The following TDRD3 variants were observed in gnomAD, a reference collection of about 807,000 sequenced individuals.
TDRD3 encodes the protein tudor domain-containing protein 3.
A neutral mutation model predicts 86.7 loss-of-function variants in TDRD3; 45 were observed. The ratio of observed to expected loss-of-function variants is 0.52; its 90% confidence interval spans 0.41 to 0.67. The LOEUF (loss-of-function observed/expected upper bound fraction) is 0.67. Among genes scored for constraint, TDRD3 ranks in the 30% least tolerant of loss-of-function variants. TDRD3 has a pLI of 0.00. For missense variants in TDRD3, 814 were observed against 889.0 expected (o/e 0.92, Z 1.07); for synonymous variants, 298 against 301.7 (o/e 0.99, Z 0.13).
chr13:60,513,199 G>T (rs1007506916), intron 10 of TDRD3, among the ~76,000 whole-genome samples: 15 of 152,210 alleles, frequency 9.9e-5, no homozygotes, highest in African/African-American at 3.6e-4. Context: ...GCTCTACATT[G>T]GTCCCTTTCA....
At chr13:60,543,367 T>G (rs1003787088) in intron 12 of TDRD3, among the ~76,000 whole-genome samples, 3 of 152,118 alleles carry the variant, frequency 2.0e-5, no homozygotes, top group Non-Finnish European at 4.4e-5. Flanking sequence ...AAATCTAGAT[T>G]TAAAAAAATT....
chr13:60,544,470 A>AAAAAG (rs1485053105), intron 12 of TDRD3, among the ~76,000 whole-genome samples: 19 of 151,668 alleles, frequency 1.3e-4, no homozygotes, highest in Middle Eastern at 3.2e-3. Flanking sequence ...GAAAGAAAGA[A>AAAAAG]AAAAGAAAAG....
At chr13:60,483,198 G>A (rs1410996336) in intron 5 of TDRD3, among the ~76,000 whole-genome samples, 1 of 152,014 alleles carries the variant, frequency 6.6e-6, no homozygotes, top group Non-Finnish European at 1.5e-5. Context: ...TTTAGTTAAT[G>A]AACAATTTGT....
At chr13:60,440,152 T>C (rs1202848137) in intron 2 of TDRD3, among the ~76,000 whole-genome samples, 1 of 152,152 alleles carries the variant, frequency 6.6e-6, no homozygotes, top group Non-Finnish European at 1.5e-5. Flanking sequence ...ACAGTGGTAT[T>C]TATTGTTTCA....
intron 12 of TDRD3, among the ~76,000 whole-genome samples, chr13:60,544,489 G>T (rs1462624628): frequency 6.6e-6 from 1 of 150,378 alleles, no homozygotes; most frequent in African/African-American, 2.4e-5. Context: ...AGAAAAAATT[G>T]TCAAAACTAG....
intron 12 of TDRD3, among the ~76,000 whole-genome samples, chr13:60,557,819 G>GTTTTTTTTTTTTTTTTTTTT (rs1491187240): frequency 1.1e-5 from 1 of 89,934 alleles, no homozygotes; most frequent in African/African-American, 3.6e-5. Context: ...TTTTTTTCCT[G>GTTTTTTTTTTTTTTTTTTTT]ATTTTTTTTT....
chr13:60,425,190 A>C (rs763966409), intron 1 of TDRD3, among the ~76,000 whole-genome samples: 6 of 152,236 alleles, frequency 3.9e-5, no homozygotes, highest in Non-Finnish European at 8.8e-5. Flanking sequence ...TTGATTAAAA[A>C]ATGGGCAAAC....
rs866102896 is a variant in TDRD3 at position 60,547,187 on chromosome 13, A to G, written c.2118+11954A>G. ...ATGAATTTCACATAAATGGCAAAGT[A>G]TAACCAAAAAAAATCTCATGACATT... is the stretch of plus-strand genomic sequence containing the variant. On this transcript the variant is annotated intron_variant, in intron 12 of 13. Transcript: ENST00000377881. The G allele has an allele frequency of 5.3e-6, 5 of 951,480 alleles. No homozygotes were observed. The African/African-American group carries it at 5.3e-5, about 10-fold the overall frequency. The allele number at this position is 951,480 out of a possible 1,614,324, so 58.9% of individuals were successfully genotyped here.
intron 10 of TDRD3, among the ~76,000 whole-genome samples, chr13:60,513,139 G>C (rs1041257916): frequency 6.6e-6 from 1 of 152,218 alleles, no homozygotes; most frequent in Non-Finnish European, 1.5e-5. Flanking sequence ...TCAACATCAT[G>C]TGGAAGCTGC....
At chr13:60,484,699 A>G (rs1230426788) in intron 6 of TDRD3, 2 of 453,764 alleles carry the variant, frequency 4.4e-6, no homozygotes, top group Non-Finnish European at 8.8e-6. Flanking sequence ...TGAGTTTGGA[A>G]GAAGAAATAG....
rs143398047 is a variant in TDRD3 at position 60,531,037 on chromosome 13, T to A, written c.1992+1820T>A. Among the ~76,000 whole-genome samples the A allele has an allele frequency of 1.6e-4, 25 of 152,314 alleles. No homozygotes were observed. In the East Asian group the frequency reaches 4.8e-3, roughly 29 times the overall value. Reference sequence around the variant, plus strand: ...AGTGAAACAGCTAGATGGCATAGGCTTTTAAGATTTTTGTGTGACTGGGAT... The same window carrying A: ...AGTGAAACAGCTAGATGGCATAGGCATTTAAGATTTTTGTGTGACTGGGAT... On this transcript the variant is annotated intron_variant, in intron 11 of 13. Transcript: ENST00000377881.
chr13:60,497,320 G>A (rs1056368474), intron 8 of TDRD3, among the ~76,000 whole-genome samples: 1 of 152,196 alleles, frequency 6.6e-6, no homozygotes, highest in East Asian at 1.9e-4. Flanking sequence ...TTGCCAGCTC[G>A]AATGCCTGGG....
chr13:60,470,127 T>C (rs190673587), intron 5 of TDRD3, among the ~76,000 whole-genome samples: 3 of 152,354 alleles, frequency 2.0e-5, no homozygotes, highest in East Asian at 3.9e-4. Context: ...TGTGGAATCA[T>C]ACAGTATATA....
rs184778143 is a variant in TDRD3, at chr13:60,474,106, T to C, written c.495+6727T>C. Reference sequence around the variant, plus strand: ...ACCCTGTACACCTGGCTCCACCTTTTAGATAGCAGTAGCAGAATTAGTGAA... The same window carrying C: ...ACCCTGTACACCTGGCTCCACCTTTCAGATAGCAGTAGCAGAATTAGTGAA... On this transcript the variant is annotated intron_variant, in intron 5 of 13. Transcript: ENST00000377881. Among the ~76,000 whole-genome samples the C allele has an allele frequency of 2.6e-4, 40 of 152,266 alleles. 1 individual carries two copies. Among genetic ancestry groups the C allele is most frequent in the Admixed American group, 9.1e-4 (14 of 15,302 alleles).
intron 13 of TDRD3, among the ~76,000 whole-genome samples, chr13:60,568,102 T>C (rs1958506928): frequency 6.6e-6 from 1 of 152,172 alleles, no homozygotes; most frequent in Admixed American, 6.5e-5. Context: ...AGCACTGTCC[T>C]AGAATGTGAT....
At chr13:60,544,600 A>T (rs985444196) in intron 12 of TDRD3, among the ~76,000 whole-genome samples, 7 of 152,172 alleles carry the variant, frequency 4.6e-5, no homozygotes, top group Admixed American at 2.6e-4. Context: ...TCTTTTATTA[A>T]TAGGCTACTG....
At chr13:60,434,941 T>C (rs961776950) in intron 1 of TDRD3, among the ~76,000 whole-genome samples, 2 of 152,240 alleles carry the variant, frequency 1.3e-5, no homozygotes, top group African/African-American at 4.8e-5. Context: ...TCCTGTGTTG[T>C]GTTGTTCTTC....
At chr13:60,427,398 G>T (rs1479096383) in intron 1 of TDRD3, among the ~76,000 whole-genome samples, 1 of 152,024 alleles carries the variant, frequency 6.6e-6, no homozygotes, top group African/African-American at 2.4e-5. Context: ...GTTATTAAAG[G>T]TACTTTTTTT....
At chr13:60,558,432 A>G (rs896272794) in intron 12 of TDRD3, among the ~76,000 whole-genome samples, 4 of 152,248 alleles carry the variant, frequency 2.6e-5, no homozygotes, top group African/African-American at 9.6e-5. Flanking sequence ...TTGGGAAAGT[A>G]GTTGCTTTTG....
Sources: gnomAD v4.1 joint callset for allele counts (sites outside exome capture counted in the v4.1 genomes callset) on GRCh38, gnomAD v4.1.1 for gene constraint, MANE v1.5 for transcripts, NCBI Gene and HGNC (gene_info 2026-07-23, HGNC 2026-07-21) for gene names.